LHFPL3: variants seen among roughly 807,000 people sequenced by gnomAD.
The protein encoded by LHFPL3 is LHFPL tetraspan subfamily member 3, also known as LHFPL tetraspan subfamily member 3 protein.
A neutral mutation model predicts 19.3 loss-of-function variants in LHFPL3; 5 were observed. That is an observed-to-expected ratio of 0.26 (90% CI 0.14 to 0.54). The LOEUF is 0.54. LHFPL3 is among the 20% of genes least tolerant of loss of function. The pLI is 0.94. For synonymous variants in LHFPL3, 133 were observed against 126.2 expected (o/e 1.05, Z -0.36); for missense variants, 249 against 307.4 (o/e 0.81, Z 1.42).
At chr7:104,621,213 G>A (rs778726088) in intron 1 of LHFPL3, among the ~76,000 whole-genome samples, 2 of 152,172 alleles carry the variant, frequency 1.3e-5, no homozygotes, top group African/African-American at 2.4e-5. Flanking sequence ...ATCCAGTCCT[G>A]AAAGTTAATT....
intron 1 of LHFPL3, among the ~76,000 whole-genome samples, chr7:104,441,733 G>A (rs1792228078): frequency 6.6e-6 from 1 of 152,074 alleles, no homozygotes; most frequent in Non-Finnish European, 1.5e-5. Context: ...GCGCCACCAT[G>A]CTCGGCTAAT....
chr7:104,711,283 T>TAGATGATTGCTGCAATTC, intron 1 of LHFPL3, among the ~76,000 whole-genome samples: 1 of 152,202 alleles, frequency 6.6e-6, no homozygotes, highest in Non-Finnish European at 1.5e-5. Context: ...AGCTGCAATT[T>TAGATGATTGCTGCAATTC]AGATGCTTGC....
intron 1 of LHFPL3, among the ~76,000 whole-genome samples, chr7:104,702,247 T>G (rs1229351747): frequency 2.0e-5 from 3 of 152,216 alleles, no homozygotes; most frequent in African/African-American, 7.2e-5. Context: ...TCTTGACTCT[T>G]CGGAGGATAT....
chr7:104,735,195 T>G (rs779205481), intron 1 of LHFPL3, among the ~76,000 whole-genome samples: 2 of 152,198 alleles, frequency 1.3e-5, no homozygotes, highest in Non-Finnish European at 2.9e-5. Flanking sequence ...GTCTGTTGGT[T>G]CTCAGATCTC....
intron 1 of LHFPL3, among the ~76,000 whole-genome samples, chr7:104,522,254 G>A (rs532705071): frequency 6.6e-6 from 1 of 151,914 alleles, no homozygotes; most frequent in African/African-American, 2.4e-5. Context: ...GGATGAAATT[G>A]GAAATCATCA....
At chr7:104,783,397 T>C (rs1789851494) in intron 2 of LHFPL3, among the ~76,000 whole-genome samples, 1 of 152,216 alleles carries the variant, frequency 6.6e-6, no homozygotes, top group Admixed American at 6.5e-5. Context: ...TCAGGGACTG[T>C]ATCGTGTTGA....
intron 1 of LHFPL3, among the ~76,000 whole-genome samples, chr7:104,734,739 A>C (rs1793772190): frequency 6.6e-6 from 1 of 152,216 alleles, no homozygotes; most frequent in Admixed American, 6.5e-5. Flanking sequence ...TTCTCCATCC[A>C]GCTTTGTTCC....
At chr7:104,736,547 G>C (rs559043977) in intron 1 of LHFPL3, 128 bp from the exon 2 acceptor site, 2 of 665,304 alleles carry the variant, frequency 3.0e-6, no homozygotes, top group Non-Finnish European at 5.2e-6. Flanking sequence ...ACAGTGGTGA[G>C]ATTTGCTGTT....
chr7:104,435,513 TAA>T (rs929660450), intron 1 of LHFPL3, among the ~76,000 whole-genome samples: 5 of 150,906 alleles, frequency 3.3e-5, no homozygotes, highest in East Asian at 1.9e-4. Flanking sequence ...ATATTTTTTA[TAA>T]AAAAAGTCAT....
chr7:104,448,701 T>C (rs1792376467), intron 1 of LHFPL3, among the ~76,000 whole-genome samples: 1 of 152,190 alleles, frequency 6.6e-6, no homozygotes, highest in Admixed American at 6.6e-5. Context: ...CTATTATGAA[T>C]AGTCTCTCAG....
intron 1 of LHFPL3, among the ~76,000 whole-genome samples, chr7:104,542,251 C>T (rs564004894): frequency 2.5e-4 from 38 of 152,128 alleles, no homozygotes; most frequent in African/African-American, 8.7e-4. Context: ...GAAAACCTGA[C>T]CTTAAAAGTG....
At position 104,850,569 on chromosome 7, in the gene LHFPL3, G is replaced by A. The variant is rs535776302; in HGVS notation, c.683-55618G>A. ...CACCCTGATGCAGAGGGCTTCCCCAGGACAGGAAGTAGGTTACACCTGACT... is the reference window on the plus strand; with the variant it reads ...CACCCTGATGCAGAGGGCTTCCCCAAGACAGGAAGTAGGTTACACCTGACT... On this transcript the variant is annotated intron_variant, in intron 2 of 2. Coordinates refer to ENST00000424859, the MANE Select transcript of LHFPL3 (RefSeq NM_199000.3). Among the ~76,000 whole-genome samples, 8 of 152,294 alleles carry A rather than the reference G, an allele frequency of 5.3e-5. No homozygotes were observed. In the South Asian group the frequency reaches 1.7e-3, roughly 32 times the overall value.
chr7:104,716,487 C>T (rs1006185667), intron 1 of LHFPL3, among the ~76,000 whole-genome samples: 1 of 152,048 alleles, frequency 6.6e-6, no homozygotes, highest in Non-Finnish European at 1.5e-5. Context: ...CTGCAGTATA[C>T]AAAATCAACA....
At chr7:104,393,706 ACT>A (rs1308674498) in intron 1 of LHFPL3, among the ~76,000 whole-genome samples, 2 of 152,048 alleles carry the variant, frequency 1.3e-5, no homozygotes, top group East Asian at 3.9e-4. Flanking sequence ...ACACAGTGAG[ACT>A]CTGTCTCAAA....
At chr7:104,658,146 C>G (rs900508609) in intron 1 of LHFPL3, among the ~76,000 whole-genome samples, 1 of 152,204 alleles carries the variant, frequency 6.6e-6, no homozygotes, top group African/African-American at 2.4e-5. Context: ...GTATTTAATG[C>G]TGACTTGGTC....
chr7:104,820,948 AC>A (rs1316858308), intron 2 of LHFPL3, among the ~76,000 whole-genome samples: 2 of 152,052 alleles, frequency 1.3e-5, no homozygotes, highest in African/African-American at 4.8e-5. Context: ...CTAGAGAGAC[AC>A]CCTCAGTGTT....
At chr7:104,406,218 C>A (rs979626649) in intron 1 of LHFPL3, among the ~76,000 whole-genome samples, 7 of 152,180 alleles carry the variant, frequency 4.6e-5, no homozygotes, top group African/African-American at 1.4e-4. Context: ...TGTAATTGTG[C>A]TCCAGGTACA....
At chr7:104,508,776 T>A (rs1363727300) in intron 1 of LHFPL3, among the ~76,000 whole-genome samples, 1 of 150,050 alleles carries the variant, frequency 6.7e-6, no homozygotes, top group Non-Finnish European at 1.5e-5. Flanking sequence ...GGTAAGAGCA[T>A]AACTCAATGA....
At chr7:104,834,654 C>A (rs928081074) in intron 2 of LHFPL3, among the ~76,000 whole-genome samples, 1 of 152,010 alleles carries the variant, frequency 6.6e-6, no homozygotes, top group Non-Finnish European at 1.5e-5. Flanking sequence ...GACATACGCC[C>A]AAAGCCAGCT....
Sources: gnomAD v4.1 joint callset for allele counts (sites outside exome capture counted in the v4.1 genomes callset) on GRCh38, gnomAD v4.1.1 for gene constraint, MANE v1.5 for transcripts, NCBI Gene and HGNC (gene_info 2026-07-23, HGNC 2026-07-21) for gene names.